Variants in MTMR7 observed in about 807,000 individuals in gnomAD.
MTMR7 encodes phosphatidylinositol-3-phosphate phosphatase MTMR7.
A neutral mutation model predicts 81.2 loss-of-function variants in MTMR7; 76 were observed. That is an observed-to-expected ratio of 0.94 (90% CI 0.78 to 1.13). MTMR7 has a LOEUF of 1.13. Ranked by LOEUF, MTMR7 falls within the 50% of genes most tolerant of loss-of-function variation. MTMR7 has a pLI of 0.00. For missense variants in MTMR7, 1,044 were observed against 820.0 expected, an observed-to-expected ratio of 1.27 and a Z score of -3.34; for synonymous variants, 372 against 289.8, an observed-to-expected ratio of 1.28 and a Z score of -2.88.
chr8:17,370,026 A>T (rs1330018058), intron 3 of MTMR7, among the ~76,000 whole-genome samples: 1 of 152,140 alleles, frequency 6.6e-6, no homozygotes, highest in Non-Finnish European at 1.5e-5. Flanking sequence ...GTAGAAGCGA[A>T]CAGTAAGCTA....
At position 17,299,560 on chromosome 8, in the gene MTMR7, T is replaced by C. The variant is rs181340618; in HGVS notation, c.*302A>G. ...GAGATGCATGCTATGACAAGGAAGA[T>C]AGATACTGATCACTTCAGGTAATGA... On this transcript the variant is annotated 3_prime_UTR_variant, in exon 14 of 14. Coordinates refer to ENST00000180173, the MANE Select transcript of MTMR7 (RefSeq NM_004686.5). 8.2e-5 allele frequency: 24 copies of C among 293,704 alleles called. No individual in the cohort carries two copies. The highest frequency in any genetic ancestry group is 2.1e-5 in the African/African-American group (1 of 47,038). The allele number at this position is 293,704 out of a possible 1,614,324, so 18.2% of individuals were successfully genotyped here. A position where few individuals can be genotyped will look rare whatever the true frequency, so the allele number is the denominator to read the frequency against.
chr8:17,411,614 T>C (rs545724263), intron 1 of MTMR7, among the ~76,000 whole-genome samples: 20 of 152,328 alleles, frequency 1.3e-4, no homozygotes, highest in African/African-American at 4.6e-4. Flanking sequence ...TCAGTAACAC[T>C]TCAGACAATT....
chr8:17,327,641 TA>T (rs56151155), intron 7 of MTMR7, among the ~76,000 whole-genome samples: 4,046 of 148,692 alleles, frequency 0.027, 173 homozygotes, highest in African/African-American at 0.092. Flanking sequence ...AGAAACCTGG[TA>T]AAAAAAAAAA....
chr8:17,341,919 CTT>C (rs535163171), intron 5 of MTMR7, among the ~76,000 whole-genome samples: 2 of 147,288 alleles, frequency 1.4e-5, no homozygotes, highest in Non-Finnish European at 3.0e-5. Flanking sequence ...GCTTTCCAAC[CTT>C]TTTTTTTTTT....
intron 6 of MTMR7, among the ~76,000 whole-genome samples, chr8:17,340,893 T>A (rs1050457840): frequency 6.6e-6 from 1 of 152,232 alleles, no homozygotes; most frequent in African/African-American, 2.4e-5. Context: ...AAATATTTTT[T>A]AATTTACCTT....
At chr8:17,339,457 C>T (rs1305347434) in intron 6 of MTMR7, among the ~76,000 whole-genome samples, 2 of 152,196 alleles carry the variant, frequency 1.3e-5, no homozygotes, top group South Asian at 2.1e-4. Context: ...CCTCGGCAAC[C>T]ATCAGTTTAC....
At chr8:17,364,053 G>A (rs2410520) in intron 3 of MTMR7, among the ~76,000 whole-genome samples, 11,921 of 116,886 alleles carry the variant, frequency 0.1, 837 homozygotes, top group Non-Finnish European at 0.14. Context: ...TTTTTCAGAC[G>A]GAGTCTCGCT....
At chr8:17,404,595 C>T (rs200477687) in intron 1 of MTMR7, among the ~76,000 whole-genome samples, 3 of 152,070 alleles carry the variant, frequency 2.0e-5, no homozygotes, top group African/African-American at 4.8e-5. Context: ...ACTTCATCTA[C>T]AATTCTCAAG....
rs1005460703 is a variant in MTMR7 at position 17,348,990 on chromosome 8, C to T, written c.560G>A (p.Arg187Gln). The T allele has an allele frequency of 3.1e-6, 5 of 1,613,498 alleles. No homozygotes were observed. Among genetic ancestry groups the T allele is most frequent in the Admixed American group, 3.3e-5 (2 of 59,928 alleles). ...VGSSKFRSRR[R>Q]FPVLSYYYKD... ...ATAATAGTAAGAAAGGACAGGAAAT[C>T]GCCGTCTACTCCGGAATTTGGAACT... Residue 187 changes from arginine to glutamine, a missense_variant, in exon 5 of 14, where the codon CGA becomes CAA. By Grantham distance (43) the Arg-to-Gln change is conservative. Transcript: ENST00000180173.
At chr8:17,390,842 G>T (rs1821084825) in intron 1 of MTMR7, among the ~76,000 whole-genome samples, 1 of 152,140 alleles carries the variant, frequency 6.6e-6, no homozygotes, top group African/African-American at 2.4e-5. Context: ...GTAGTAAGGG[G>T]AAACCACCCC....
chr8:17,349,429 C>T (rs1819659769), intron 4 of MTMR7: 1 of 194,916 alleles, frequency 5.1e-6, no homozygotes, highest in South Asian at 1.1e-4. Context: ...TCTGAGCTGC[C>T]AGGATTTGCT....
At chr8:17,357,801 G>C (rs1470097602) in intron 4 of MTMR7, among the ~76,000 whole-genome samples, 1 of 152,210 alleles carries the variant, frequency 6.6e-6, no homozygotes, top group Non-Finnish European at 1.5e-5. Context: ...TAGCACTGGT[G>C]ATGTTCATTC....
At chr8:17,311,049 G>A (rs1053087093) in intron 9 of MTMR7, among the ~76,000 whole-genome samples, 4 of 152,124 alleles carry the variant, frequency 2.6e-5, no homozygotes, top group South Asian at 2.1e-4. Context: ...TCATCCAGGG[G>A]TGTGAAGGAC....
At chr8:17,380,765 T>C (rs963047046) in intron 1 of MTMR7, among the ~76,000 whole-genome samples, 1 of 152,204 alleles carries the variant, frequency 6.6e-6, no homozygotes, top group Non-Finnish European at 1.5e-5. Context: ...AGAATTGTTA[T>C]TCAAAATTAA....
At position 17,298,512 on chromosome 8, in the gene MTMR7, C is replaced by A. The variant is rs905922469; in HGVS notation, c.*1350G>T. 6.6e-6 allele frequency: 1 copy of A among 152,330 alleles called. No individual in the cohort carries two copies. Among genetic ancestry groups the A allele is most frequent in the African/African-American group, 2.4e-5 (1 of 41,370 alleles). 9.4% of individuals were successfully genotyped at this position (152,330 alleles called of 1,614,324 possible). A position where few individuals can be genotyped will look rare whatever the true frequency, so the allele number is the denominator to read the frequency against. On this transcript the variant is annotated 3_prime_UTR_variant, in exon 14 of 14. Transcript: ENST00000180173. ...AGCAATGTTGCTTTCTTGCCCTCGT[C>A]CTCATTTCAGCGAAATGTAATAATT...
At chr8:17,381,279 A>AGGG (rs1455493480) in intron 1 of MTMR7, among the ~76,000 whole-genome samples, 6 of 152,158 alleles carry the variant, frequency 3.9e-5, no homozygotes, top group Non-Finnish European at 7.4e-5. Context: ...GGGCCCCACC[A>AGGG]CCGCACTTCC....
At chr8:17,319,427 A>G (rs376042640) in intron 7 of MTMR7, among the ~76,000 whole-genome samples, 1 of 152,160 alleles carries the variant, frequency 6.6e-6, no homozygotes, top group Non-Finnish European at 1.5e-5. Flanking sequence ...AAACATGTCA[A>G]CGCTGAAGCT....
At chr8:17,338,327 A>G (rs2150539235) in intron 6 of MTMR7, among the ~76,000 whole-genome samples, 1 of 152,302 alleles carries the variant, frequency 6.6e-6, no homozygotes, top group Non-Finnish European at 1.5e-5. Context: ...TACAGCTGCC[A>G]CGTTTCCTAG....
intron 3 of MTMR7, among the ~76,000 whole-genome samples, chr8:17,364,068 C>A (rs1585092716): frequency 1.6e-5 from 2 of 121,724 alleles, no homozygotes; most frequent in African/African-American, 3.2e-5. Flanking sequence ...CTCGCTCTGT[C>A]GCCCAGGCTG....
Sources: allele counts gnomAD v4.1 joint callset (sites outside exome capture counted in the v4.1 genomes callset), GRCh38; gene constraint gnomAD v4.1.1; transcripts MANE v1.5; gene names NCBI Gene and HGNC (gene_info 2026-07-23, HGNC 2026-07-21).